CAP2: variants seen among roughly 807,000 people sequenced by gnomAD.
The protein encoded by CAP2 is cyclase associated actin cytoskeleton regulatory protein 2, also known as adenylyl cyclase-associated protein 2.
CAP2 carries 24 observed loss-of-function variants against 57.7 expected under a neutral mutation model. The ratio of observed to expected loss-of-function variants is 0.42; its 90% CI spans 0.30 to 0.58. The LOEUF (loss-of-function observed/expected upper bound fraction) is 0.58, where lower values mean the gene tolerates loss of function less well. Ranked by LOEUF, CAP2 falls within the 20% of genes least tolerant of loss-of-function variation. The pLI is 0.22. For missense variants in CAP2, 501 were observed against 590.3 expected, an observed-to-expected ratio of 0.85 and a Z score of 1.57; for synonymous variants, 194 against 207.2, an observed-to-expected ratio of 0.94 and a Z score of 0.55.
At chr6:17,470,201 ACTTGGTAATC>A (rs1285765162) in intron 4 of CAP2, among the ~76,000 whole-genome samples, 5 of 152,190 alleles carry the variant, frequency 3.3e-5, no homozygotes, top group Non-Finnish European at 7.3e-5. Context: ...TGGAGAATTA[ACTTGGTAATC>A]CACTGACCCA....
intron 4 of CAP2, among the ~76,000 whole-genome samples, chr6:17,495,775 C>G (rs1581568321): frequency 6.6e-6 from 1 of 151,960 alleles, no homozygotes; most frequent in Admixed American, 6.6e-5. Context: ...CCTTAAAAAG[C>G]CTGCTTTTTC....
At chr6:17,457,102 C>G (rs985468932) in intron 3 of CAP2, among the ~76,000 whole-genome samples, 3 of 152,134 alleles carry the variant, frequency 2.0e-5, no homozygotes, top group Non-Finnish European at 4.4e-5. Flanking sequence ...TCTGAGAACC[C>G]CGGTTGCTGG....
At chr6:17,461,718 C>A (rs1246682402) in intron 3 of CAP2, among the ~76,000 whole-genome samples, 3 of 151,164 alleles carry the variant, frequency 2.0e-5, no homozygotes. Flanking sequence ...CAAGGCCAGG[C>A]GTGGTGGCTC....
chr6:17,440,319 G>T (rs752525099), intron 3 of CAP2, among the ~76,000 whole-genome samples: 4 of 151,440 alleles, frequency 2.6e-5, no homozygotes, highest in Non-Finnish European at 5.9e-5. Context: ...TTGGTTGTTC[G>T]TATATGTGAA....
intron 6 of CAP2, among the ~76,000 whole-genome samples, chr6:17,512,052 G>T (rs1228656746): frequency 3.3e-5 from 5 of 151,712 alleles, no homozygotes. Flanking sequence ...AAAAGAATTT[G>T]CCCATATAGA....
intron 7 of CAP2, among the ~76,000 whole-genome samples, chr6:17,526,297 T>C (rs1363605022): frequency 6.6e-6 from 1 of 152,000 alleles, no homozygotes; most frequent in African/African-American, 2.4e-5. Context: ...TTTGTATTTT[T>C]AGTAGAGACA....
chr6:17,469,851 C>T (rs1054186562), intron 4 of CAP2, among the ~76,000 whole-genome samples: 2 of 152,112 alleles, frequency 1.3e-5, no homozygotes, highest in Non-Finnish European at 2.9e-5. Flanking sequence ...GCACTTTCTC[C>T]ATAAGGATTT....
intron 7 of CAP2, among the ~76,000 whole-genome samples, chr6:17,534,919 G>A (rs1188061950): frequency 6.6e-6 from 1 of 152,148 alleles, no homozygotes; most frequent in African/African-American, 2.4e-5. Flanking sequence ...CTGGGTACAT[G>A]TACCCCCCTA....
At chr6:17,398,675 C>T (rs2113496237) in intron 1 of CAP2, among the ~76,000 whole-genome samples, 1 of 152,026 alleles carries the variant, frequency 6.6e-6, no homozygotes, top group East Asian at 1.9e-4. Context: ...CAGGTGCCCA[C>T]CACCACGCCC....
intron 4 of CAP2, among the ~76,000 whole-genome samples, chr6:17,496,749 C>G (rs1327426066): frequency 6.6e-6 from 1 of 152,174 alleles, no homozygotes; most frequent in Non-Finnish European, 1.5e-5. Flanking sequence ...AATAATGGCT[C>G]ATCTACCCTG....
At chr6:17,517,837 G>A (rs1347526404) in intron 7 of CAP2, among the ~76,000 whole-genome samples, 5 of 152,138 alleles carry the variant, frequency 3.3e-5, no homozygotes, top group Admixed American at 2.0e-4. Context: ...GGAGGCAGTG[G>A]TTGTAGTGAG....
At chr6:17,399,202 A>AAT (rs1758747277) in intron 1 of CAP2, among the ~76,000 whole-genome samples, 1 of 152,164 alleles carries the variant, frequency 6.6e-6, no homozygotes, top group Non-Finnish European at 1.5e-5. Context: ...TGCTGGGATT[A>AAT]CAGGCGCTTG....
intron 3 of CAP2, among the ~76,000 whole-genome samples, chr6:17,461,866 G>C (rs903942591): frequency 2.7e-5 from 4 of 150,600 alleles, no homozygotes; most frequent in Non-Finnish European, 4.4e-5. Context: ...GGTGGCGGGC[G>C]CCTGTAGTCC....
intron 4 of CAP2, among the ~76,000 whole-genome samples, chr6:17,483,302 A>G (rs1268447880): frequency 6.6e-6 from 1 of 152,248 alleles, no homozygotes; most frequent in African/African-American, 2.4e-5. Flanking sequence ...TGCAGGGTAC[A>G]TAGATAGCAT....
intron 1 of CAP2, among the ~76,000 whole-genome samples, chr6:17,419,337 T>C (rs1759369346): frequency 6.6e-6 from 1 of 152,240 alleles, no homozygotes; most frequent in Non-Finnish European, 1.5e-5. Flanking sequence ...TTCAGAAGCA[T>C]GCTGTTCCTC....
intron 3 of CAP2, among the ~76,000 whole-genome samples, chr6:17,445,398 C>T (rs1162981962): frequency 3.3e-5 from 5 of 152,226 alleles, no homozygotes; most frequent in African/African-American, 9.6e-5. Flanking sequence ...TGAGCCACCA[C>T]GCCTGGCCTC....
intron 7 of CAP2, among the ~76,000 whole-genome samples, chr6:17,533,411 C>A (rs907473055): frequency 6.6e-6 from 1 of 151,788 alleles, no homozygotes; most frequent in African/African-American, 2.4e-5. Context: ...GTCTTTGTGC[C>A]AATTTAAAAA....
intron 7 of CAP2, among the ~76,000 whole-genome samples, chr6:17,518,233 A>G (rs1036606650): frequency 4.6e-5 from 7 of 152,214 alleles, no homozygotes; most frequent in African/African-American, 1.2e-4. Flanking sequence ...TTGGGCAGCT[A>G]TTAAAAAGTA....
chr6:17,545,219 C>G lies in CAP2; in HGVS notation c.1209+2076C>G, dbSNP rs754181812. On this transcript the variant is annotated intron_variant, in intron 11 of 12. Transcript: ENST00000229922. ...GTATCTTGGAAAGAATGCAACCTAA[C>G]ACACATACCACAAACACACCTTAAT... Among the ~76,000 whole-genome samples the G allele has an allele frequency of 1.8e-4, 28 of 152,180 alleles. 1 individual carries two copies. The highest frequency in any genetic ancestry group is 3.4e-4 in the Non-Finnish European group (23 of 68,034).
Sources: allele counts gnomAD v4.1 joint callset (sites outside exome capture counted in the v4.1 genomes callset), GRCh38; gene constraint gnomAD v4.1.1; transcripts MANE v1.5; gene names NCBI Gene and HGNC (gene_info 2026-07-23, HGNC 2026-07-21).